The following SYT2 variants were observed in gnomAD, a reference collection of about 807,000 sequenced individuals.
SYT2 encodes synaptotagmin-2.
In SYT2, 15 loss-of-function variants were observed where a neutral mutation model predicts 39.9. The observed-to-expected ratio is 0.38, with a 90% CI of 0.25 to 0.58. SYT2 has a LOEUF of 0.58. Among genes scored for constraint, SYT2 ranks in the 20% least tolerant of loss-of-function variants. The probability of loss-of-function intolerance (pLI) is 0.70; values close to 1 mark genes in which losing one functional copy is unlikely to be tolerated. For missense variants in SYT2, 389 were observed against 530.3 expected, an observed-to-expected ratio of 0.73 and a Z score of 2.62; for synonymous variants, 181 against 204.5, an observed-to-expected ratio of 0.89 and a Z score of 0.98.
intron 1 of SYT2, among the ~76,000 whole-genome samples, chr1:202,673,122 T>C (rs977980623): frequency 3.9e-5 from 6 of 152,148 alleles, no homozygotes; most frequent in African/African-American, 1.4e-4. Context: ...TAAGAAAATC[T>C]TGGAGATGGG....
chr1:202,667,692 C>A (rs996262035), intron 1 of SYT2, among the ~76,000 whole-genome samples: 7 of 151,894 alleles, frequency 4.6e-5, no homozygotes, highest in Non-Finnish European at 7.4e-5. Flanking sequence ...CAGATATTTT[C>A]TTTTATTTTT....
chr1:202,627,592 G>A, intron 1 of SYT2: 1 of 985,250 alleles, frequency 1.0e-6, no homozygotes, highest in East Asian at 1.1e-4. Context: ...AGGAGATCCA[G>A]TGCAGCTCAG....
chr1:202,607,359 A>G (rs1028619733), intron 1 of SYT2, among the ~76,000 whole-genome samples: 5 of 152,230 alleles, frequency 3.3e-5, no homozygotes, highest in African/African-American at 1.2e-4. Flanking sequence ...CATCCGTTTT[A>G]CTGAATGGCA....
intron 1 of SYT2, among the ~76,000 whole-genome samples, chr1:202,686,694 C>T (rs1304262797): frequency 2.0e-5 from 3 of 152,170 alleles, no homozygotes; most frequent in Admixed American, 6.5e-5. Context: ...GTCATTCCTA[C>T]GTCATTGTCC....
intron 1 of SYT2, among the ~76,000 whole-genome samples, chr1:202,612,456 C>A (rs185076604): frequency 2.0e-5 from 3 of 152,194 alleles, no homozygotes; most frequent in Non-Finnish European, 4.4e-5. Flanking sequence ...CAGCCTTGAC[C>A]TCCCGGGCTC....
At chr1:202,697,342 C>T (rs944718731) in intron 1 of SYT2, among the ~76,000 whole-genome samples, 5 of 152,246 alleles carry the variant, frequency 3.3e-5, no homozygotes, top group Non-Finnish European at 7.3e-5. Flanking sequence ...GGAGATAAGG[C>T]CTCAGGTTCA....
At chr1:202,705,273 A>G (rs1357508178) in intron 1 of SYT2, among the ~76,000 whole-genome samples, 1 of 152,264 alleles carries the variant, frequency 6.6e-6, no homozygotes, top group African/African-American at 2.4e-5. Flanking sequence ...AAGTGGGGAC[A>G]GCGATGGCGT....
Position 202,628,242 on chromosome 1 carries a change from C to G in SYT2, c.-17-22453G>C, listed in dbSNP as rs1361178688. ...GGGGGAGCGAAACAGGTCACTCGCT[C>G]AAGCACCCTTCCCCAGAGGATGGAA... is the stretch of plus-strand genomic sequence containing the variant. On this transcript the variant is annotated intron_variant, in intron 1 of 8. Coordinates refer to ENST00000367268, the MANE Select transcript of SYT2 (RefSeq NM_177402.5). The surrounding 1 kb of genome is among the most constrained non-coding windows in gnomAD (Gnocchi z 4.2). Among the ~76,000 whole-genome samples, 1 of 152,154 alleles carries G rather than the reference C, an allele frequency of 6.6e-6. No individual in the cohort carries two copies. The highest frequency in any genetic ancestry group is 2.4e-5 in the African/African-American group (1 of 41,426).
Position 202,604,222 on chromosome 1 carries a change from C to T in SYT2, c.345+233G>A, listed in dbSNP as rs543400126. The T allele has an allele frequency of 1.2e-3, 575 of 499,870 alleles. 5 individuals carry two copies. Among genetic ancestry groups the T allele is most frequent in the East Asian group, 0.01 (318 of 31,150 alleles). 31.0% of individuals were successfully genotyped at this position (499,870 alleles called of 1,614,324 possible). On this transcript the variant is annotated intron_variant, in intron 3 of 8. Coordinates refer to ENST00000367268, the MANE Select transcript of SYT2 (RefSeq NM_177402.5). ...CTCATTGGGGAGTCAATATATTGTTCTCCTTCACTGTCTTTCCAGGGATGA... is the reference window on the plus strand; with the variant it reads ...CTCATTGGGGAGTCAATATATTGTTTTCCTTCACTGTCTTTCCAGGGATGA...
intron 1 of SYT2, among the ~76,000 whole-genome samples, chr1:202,624,717 T>TATGTAGTAGGGTGTGTGTGGC (rs1373715490): frequency 9.1e-5 from 1 of 10,966 alleles, no homozygotes; most frequent in South Asian, 3.1e-3. Context: ...GTGTGTGTGG[T>TATGTAGTAGGGTGTGTGTGGC]ATGTAGTAGG....
intron 1 of SYT2, among the ~76,000 whole-genome samples, chr1:202,677,461 T>G (rs1397168538): frequency 6.6e-6 from 1 of 152,194 alleles, no homozygotes; most frequent in East Asian, 1.9e-4. Context: ...GTGAGGAAGC[T>G]CAAGAAGTCC....
At chr1:202,638,642 G>A (rs539230905) in intron 1 of SYT2, among the ~76,000 whole-genome samples, 1 of 152,320 alleles carries the variant, frequency 6.6e-6, no homozygotes, top group African/African-American at 2.4e-5. Flanking sequence ...AAGATACAAA[G>A]GGTTATTTAA....
intron 1 of SYT2, among the ~76,000 whole-genome samples, chr1:202,626,905 T>C (rs1442870945): frequency 1.3e-5 from 2 of 152,226 alleles, no homozygotes; most frequent in Non-Finnish European, 2.9e-5. Flanking sequence ...AGGGATGTTA[T>C]GAGGATTGAA....
chr1:202,646,703 C>T (rs935910958), intron 1 of SYT2, among the ~76,000 whole-genome samples: 4 of 152,188 alleles, frequency 2.6e-5, no homozygotes, highest in Non-Finnish European at 4.4e-5. Context: ...GAGAGACTAG[C>T]GCAGTGCCAT....
At chr1:202,697,648 G>A (rs577894149) in intron 1 of SYT2, among the ~76,000 whole-genome samples, 1 of 152,326 alleles carries the variant, frequency 6.6e-6, no homozygotes, top group South Asian at 2.1e-4. Flanking sequence ...AGGGTCCCAG[G>A]GGTCTCGATC....
chr1:202,604,612 C>A lies in SYT2; in HGVS notation c.188G>T (p.Trp63Leu). The change falls in exon 3 of 9, where the codon TGG becomes TTG. Residue 63 changes from tryptophan (W) to leucine (L), a missense_variant. Transcript: ENST00000367268. Reference sequence around the variant, plus strand: ...AACCACAGCAATGGCGATCAGTGCCCAGGGTGGTACTGCCCACACAGAGAA... The same window carrying A: ...AACCACAGCAATGGCGATCAGTGCCAAGGGTGGTACTGCCCACACAGAGAA... ...NEINKIPLPP[W>L]ALIAIAVVAG... The A allele has an allele frequency of 6.2e-7, 1 of 1,613,982 alleles. No homozygotes were observed.
At chr1:202,698,894 G>A (rs1176072738) in intron 1 of SYT2, among the ~76,000 whole-genome samples, 1 of 152,132 alleles carries the variant, frequency 6.6e-6, no homozygotes, top group Admixed American at 6.5e-5. Context: ...ACAAAAGACA[G>A]GCCAAGGGAA....
chr1:202,677,240 C>T (rs918650315), intron 1 of SYT2, among the ~76,000 whole-genome samples: 1 of 152,196 alleles, frequency 6.6e-6, no homozygotes, highest in African/African-American at 2.4e-5. Context: ...ATTCTCATCT[C>T]CCATCCCACA....
intron 1 of SYT2, chr1:202,627,622 G>A (rs553787519): frequency 8.1e-6 from 8 of 985,338 alleles, no homozygotes; most frequent in South Asian, 4.7e-5. Flanking sequence ...AGAGTAATGC[G>A]CAAAGGAAGG....
Sources: allele counts gnomAD v4.1 joint callset (sites outside exome capture counted in the v4.1 genomes callset), GRCh38; gene constraint gnomAD v4.1.1; non-coding constraint Gnocchi (gnomAD v3.1); transcripts MANE v1.5; gene names NCBI Gene and HGNC (gene_info 2026-07-23, HGNC 2026-07-21).